The following ADGRL3 variants were observed in gnomAD, a reference collection of about 807,000 sequenced individuals.
ADGRL3 encodes adhesion G protein-coupled receptor L3.
ADGRL3 carries 62 observed loss-of-function variants against 153.5 expected under a neutral mutation model. That is an observed-to-expected ratio of 0.40 (90% CI 0.33 to 0.50). The LOEUF is 0.50. Among genes scored for constraint, ADGRL3 ranks in the 20% least tolerant of loss-of-function variants. The pLI, the probability that ADGRL3 is intolerant of heterozygous loss-of-function variation, is 0.47. For synonymous variants in ADGRL3, 710 were observed against 672.5 expected, an observed-to-expected ratio of 1.06 and a Z score of -0.86; for missense variants, 1,641 against 1,859.4, an observed-to-expected ratio of 0.88 and a Z score of 2.16.
At chr4:61,413,714 A>C (rs1253283908) in intron 2 of ADGRL3, among the ~76,000 whole-genome samples, 1 of 152,008 alleles carries the variant, frequency 6.6e-6, no homozygotes, top group Non-Finnish European at 1.5e-5. Flanking sequence ...ATGTTGCCAG[A>C]TTTTTCTGCT....
chr4:61,912,757 G>A lies in ADGRL3; in HGVS notation c.2112G>A (p.Gln704=). 1.2e-6 allele frequency: 2 copies of A among 1,612,912 alleles called. No homozygotes were observed. Among genetic ancestry groups the A allele is most frequent in the Non-Finnish European group, 1.7e-6 (2 of 1,179,262 alleles). The part of the protein sequence containing the change: ...KRERSCRAYV[Q]AMVETVNNLL... ...AGCGCTCTTGCAGAGCCTATGTCCA[G>A]GTACTTTCTGCGTTTTTATAAATGT... The change falls in exon 13 of 27, where the codon CAG becomes CAA. Residue 704 remains glutamine (Q), a splice_region_variant and synonymous_variant. Transcript: ENST00000683033.
intron 1 of ADGRL3, among the ~76,000 whole-genome samples, chr4:61,216,804 A>G (rs1442263358): frequency 1.3e-5 from 2 of 152,226 alleles, no homozygotes; most frequent in Non-Finnish European, 2.9e-5. Context: ...TCATTTCTTC[A>G]TGTGTTGAAA....
chr4:61,732,386 A>G (rs192945422), intron 7 of ADGRL3, among the ~76,000 whole-genome samples: 146 of 152,282 alleles, frequency 9.6e-4, no homozygotes, highest in African/African-American at 3.5e-3. Flanking sequence ...ATGTTCTTCA[A>G]TGAACTATTA....
chr4:61,972,069 A>T (rs1285682758), intron 17 of ADGRL3, among the ~76,000 whole-genome samples: 2 of 151,886 alleles, frequency 1.3e-5, no homozygotes, highest in Non-Finnish European at 2.9e-5. Flanking sequence ...CCTTTGTCAG[A>T]TGAGTAGGTT....
chr4:61,994,504 T>G (rs2099115025), intron 19 of ADGRL3, among the ~76,000 whole-genome samples: 2 of 138,592 alleles, frequency 1.4e-5, no homozygotes, highest in East Asian at 2.0e-4. Context: ...TGGTTCAAGG[T>G]TTTTTTTTTT....
chr4:62,070,311 C>T lies in ADGRL3; in HGVS notation c.4035C>T (p.Tyr1345=), dbSNP rs747983425. Residue 1345 remains tyrosine, a synonymous_variant, in exon 27 of 27, where the codon TAC becomes TAT. Transcript: ENST00000683033. ...KELTSNYIPS[Y]LNNHERSSEQ... The stretch of plus-strand genomic sequence containing the variant: ...TCACTTCCAACTATATCCCTTCTTA[C>T]CTGAACAACCATGAGCGCTCCAGTG... 4.5e-6 allele frequency: 7 copies of T among 1,558,550 alleles called. No homozygotes were observed. The highest frequency in any genetic ancestry group is 2.3e-5 in the South Asian group (2 of 85,210).
chr4:61,930,494 T>C (rs774181899), intron 13 of ADGRL3, among the ~76,000 whole-genome samples: 6 of 152,218 alleles, frequency 3.9e-5, no homozygotes, highest in Non-Finnish European at 5.9e-5. Context: ...CCAAAGGTTT[T>C]TGCAGTAGTT....
intron 1 of ADGRL3, among the ~76,000 whole-genome samples, chr4:61,378,180 T>A (rs1401102663): frequency 1.3e-5 from 2 of 152,010 alleles, no homozygotes; most frequent in African/African-American, 2.4e-5. Flanking sequence ...CCCATTGTTC[T>A]TACCAGAAGT....
intron 5 of ADGRL3, among the ~76,000 whole-genome samples, chr4:61,606,733 T>C (rs2099033885): frequency 2.6e-5 from 4 of 152,170 alleles, no homozygotes; most frequent in African/African-American, 4.8e-5. Flanking sequence ...TGAAGAGGTC[T>C]CACTGCAGTT....
At chr4:61,908,236 A>G (rs1213365196) in intron 11 of ADGRL3, among the ~76,000 whole-genome samples, 1 of 152,118 alleles carries the variant, frequency 6.6e-6, no homozygotes, top group Non-Finnish European at 1.5e-5. Context: ...GTGATGAGCT[A>G]TGATTGTGCC....
chr4:61,420,060 C>T (rs2097186113), intron 2 of ADGRL3, among the ~76,000 whole-genome samples: 2 of 152,110 alleles, frequency 1.3e-5, no homozygotes, highest in Non-Finnish European at 2.9e-5. Context: ...CCTCGGCCTC[C>T]CAAAGTGCTG....
chr4:61,358,974 C>T (rs2096240572), intron 1 of ADGRL3, among the ~76,000 whole-genome samples: 1 of 152,170 alleles, frequency 6.6e-6, no homozygotes, highest in South Asian at 2.1e-4. Flanking sequence ...CAAAGCTAAA[C>T]TTCTACTCTC....
At chr4:61,703,057 T>C (rs1248427860) in intron 6 of ADGRL3, among the ~76,000 whole-genome samples, 12 of 152,104 alleles carry the variant, frequency 7.9e-5, no homozygotes, top group Admixed American at 7.2e-4. Flanking sequence ...TGACACAAGG[T>C]ATTTCTTTGT....
rs1745387305 is a variant in ADGRL3, at chr4:62,070,758, C to T, written c.4482C>T (p.Asn1494=). The part of the protein sequence containing the change: ...AEDVYYKSMP[N]LGSRNHVHQL... ...ATGTTTACTACAAAAGCATGCCAAA[C>T]CTAGGCTCCAGAAACCACGTCCATC... Residue 1494 remains asparagine, a synonymous_variant, in exon 27 of 27, where the codon AAC becomes AAT. Coordinates refer to ENST00000683033, the MANE Select transcript of ADGRL3 (RefSeq NM_001387552.1). 1 of 1,551,630 alleles carries T rather than the reference C, an allele frequency of 6.4e-7. No individual in the cohort carries two copies. Among genetic ancestry groups the T allele is most frequent in the Non-Finnish European group, 8.7e-7 (1 of 1,146,974 alleles).
At chr4:61,808,722 A>G (rs969627047) in intron 8 of ADGRL3, among the ~76,000 whole-genome samples, 4 of 147,962 alleles carry the variant, frequency 2.7e-5, no homozygotes, top group East Asian at 4.1e-4. Flanking sequence ...ACATTGACCT[A>G]TGGGTTTTTG....
chr4:61,495,919 T>C (rs1435058377), intron 2 of ADGRL3, among the ~76,000 whole-genome samples: 3 of 152,208 alleles, frequency 2.0e-5, no homozygotes, highest in Non-Finnish European at 4.4e-5. Context: ...TTAGTTTGTA[T>C]CTATATGCTT....
chr4:61,882,275 A>G (rs1334010262), intron 9 of ADGRL3, among the ~76,000 whole-genome samples: 1 of 152,198 alleles, frequency 6.6e-6, no homozygotes, highest in Non-Finnish European at 1.5e-5. Flanking sequence ...TCAACCAACA[A>G]TGACTGAAGG....
intron 8 of ADGRL3, among the ~76,000 whole-genome samples, chr4:61,739,312 T>G (rs1001471415): frequency 6.6e-6 from 1 of 150,846 alleles, no homozygotes. Flanking sequence ...AATTACTTTT[T>G]TTTTTTTGAT....
At chr4:61,969,753 G>C (rs1381264198) in intron 17 of ADGRL3, among the ~76,000 whole-genome samples, 1 of 152,128 alleles carries the variant, frequency 6.6e-6, no homozygotes, top group Non-Finnish European at 1.5e-5. Flanking sequence ...GGATGAACTG[G>C]TGTTAGGATC....
Sources: gnomAD v4.1 joint callset for allele counts (sites outside exome capture counted in the v4.1 genomes callset) on GRCh38, gnomAD v4.1.1 for gene constraint, MANE v1.5 for transcripts, NCBI Gene and HGNC (gene_info 2026-07-23, HGNC 2026-07-21) for gene names.